The following SH3GL3 variants were observed in gnomAD, a reference collection of about 807,000 sequenced individuals.
SH3GL3 encodes the protein endophilin-A3.
Under a neutral mutation model 47.7 loss-of-function variants are expected in SH3GL3, and 33 were observed. The observed-to-expected ratio is 0.69, with a 90% CI of 0.52 to 0.92. The LOEUF (loss-of-function observed/expected upper bound fraction) is 0.92. Ranked by LOEUF, SH3GL3 falls within the 40% of genes least tolerant of loss-of-function variation. SH3GL3 has a pLI of 0.00. For synonymous variants in SH3GL3, 155 were observed against 148.8 expected, an observed-to-expected ratio of 1.04 and a Z score of -0.30; for missense variants, 363 against 417.8, an observed-to-expected ratio of 0.87 and a Z score of 1.14.
intron 1 of SH3GL3, among the ~76,000 whole-genome samples, chr15:83,494,541 A>C (rs897214038): frequency 6.9e-6 from 1 of 144,788 alleles, no homozygotes; most frequent in African/African-American, 2.5e-5. Flanking sequence ...TGTATGACTT[A>C]GTCCCCCTTT....
At chr15:83,598,298 A>G (rs17158778) in intron 8 of SH3GL3, among the ~76,000 whole-genome samples, 36,728 of 151,994 alleles carry the variant, frequency 0.24, 4,651 homozygotes, top group East Asian at 0.33. Context: ...TTCAGGATCC[A>G]CTTACACTGA....
intron 1 of SH3GL3, among the ~76,000 whole-genome samples, chr15:83,458,861 G>A (rs552232998): frequency 6.6e-5 from 10 of 152,338 alleles, no homozygotes; most frequent in African/African-American, 2.4e-4. Flanking sequence ...TAGAGGGATA[G>A]GACTAATAGG....
chr15:83,466,740 C>A (rs189954476), intron 1 of SH3GL3, among the ~76,000 whole-genome samples: 1 of 152,270 alleles, frequency 6.6e-6, no homozygotes, highest in African/African-American at 2.4e-5. Context: ...TAATTTTAGC[C>A]TTTCTGTTAG....
At chr15:83,516,905 ATT>A (rs534096576) in intron 1 of SH3GL3, among the ~76,000 whole-genome samples, 1 of 147,664 alleles carries the variant, frequency 6.8e-6, no homozygotes, top group East Asian at 2.0e-4. Context: ...TTCAGTCAAC[ATT>A]TTTTTTTTTA....
At chr15:83,489,406 T>C (rs2041762432) in intron 1 of SH3GL3, 1 of 152,224 alleles carries the variant, frequency 6.6e-6, no homozygotes, top group East Asian at 1.9e-4. Context: ...TCCACCCTCA[T>C]CCAGTTTGCT....
chr15:83,479,801 G>C (rs899961292), intron 1 of SH3GL3, among the ~76,000 whole-genome samples: 3 of 152,154 alleles, frequency 2.0e-5, no homozygotes, highest in Non-Finnish European at 4.4e-5. Flanking sequence ...GTGGAAGGCT[G>C]TCTCTGCCAC....
At chr15:83,463,376 C>T (rs1216792334) in intron 1 of SH3GL3, among the ~76,000 whole-genome samples, 1 of 151,740 alleles carries the variant, frequency 6.6e-6, no homozygotes, top group Non-Finnish European at 1.5e-5. Flanking sequence ...TTCCAAGCAG[C>T]TTACATGAGC....
At chr15:83,625,115 C>T in the SH3GL3 span, among the ~76,000 whole-genome samples, 342 of 152,200 alleles carry the variant, frequency 2.2e-3, 1 homozygote, top group African/African-American at 7.4e-3. Context: ...AAAAATTAGC[C>T]GGGCATGGTG....
intron 1 of SH3GL3, among the ~76,000 whole-genome samples, chr15:83,481,311 CAG>C (rs978099375): frequency 2.7e-5 from 4 of 150,872 alleles, no homozygotes; most frequent in Admixed American, 2.6e-4. Context: ...ATTCCTGTCA[CAG>C]GGAGCGGAAA....
intron 1 of SH3GL3, among the ~76,000 whole-genome samples, chr15:83,473,576 CTCGCTCTG>C (rs946024260): frequency 6.6e-6 from 1 of 150,870 alleles, no homozygotes; most frequent in African/African-American, 2.4e-5. Context: ...GAGACAGAGT[CTCGCTCTG>C]TCGCCCAGGT....
At chr15:83,552,804 TCTC>T (rs1389257107) in intron 1 of SH3GL3, among the ~76,000 whole-genome samples, 3 of 152,234 alleles carry the variant, frequency 2.0e-5, no homozygotes, top group Admixed American at 1.3e-4. Context: ...TTGTGTTAAA[TCTC>T]CTGCTGTAAT....
intron 1 of SH3GL3, among the ~76,000 whole-genome samples, chr15:83,480,997 T>C (rs201381644): frequency 6.6e-6 from 1 of 151,910 alleles, no homozygotes; most frequent in East Asian, 1.9e-4. Flanking sequence ...AATTCCTGGC[T>C]GTGCACGGTG....
Position 83,568,611 on chromosome 15 carries a change from A to G in SH3GL3, c.270A>G (p.Glu90=), listed in dbSNP as rs1227453918. Residue 90 remains glutamate, a synonymous_variant, in exon 4 of 9, where the codon GAA becomes GAG. Transcript: ENST00000427482. ...QVKTTGYPQT[E]GLLGDCMLKY... is the part of the protein sequence containing the mutation. ...AGACCACAGGATACCCGCAGACGGA[A>G]GGCTTGCTGGGGGACTGTATGCTGA... is the stretch of plus-strand genomic sequence containing the variant. 1 of 1,613,608 alleles carries G rather than the reference A, an allele frequency of 6.2e-7. No individual in the cohort carries two copies. The highest frequency in any genetic ancestry group is 8.5e-7 in the Non-Finnish European group (1 of 1,179,630).
At chr15:83,490,694 G>A in intron 1 of SH3GL3, 1 of 1,402,588 alleles carries the variant, frequency 7.1e-7, no homozygotes. Flanking sequence ...AGGGAAAACA[G>A]ACCAAGCTCT....
chr15:83,568,564 T>C lies in SH3GL3; in HGVS notation c.223T>C (p.Ser75Pro). 6.2e-7 allele frequency: 1 copy of C among 1,613,586 alleles called. No homozygotes were observed. Among genetic ancestry groups the C allele is most frequent in the African/African-American group, 1.3e-5 (1 of 75,022 alleles). ...TAAGCTAGGAATGCTGAACACTGTG[T>C]CGAAGATCCGAGGGCAGGTGAAGAC... ...RAKLGMLNTV[S>P]KIRGQVKTTG... The change falls in exon 4 of 9, where the codon TCG (serine) becomes CCG (proline). Residue 75 changes from serine to proline, a missense_variant. By Grantham distance (74) the Ser-to-Pro change is moderately conservative. Coordinates refer to ENST00000427482, the MANE Select transcript of SH3GL3 (RefSeq NM_003027.5).
chr15:83,587,803 ATATTT>A (rs2059993849), intron 7 of SH3GL3, among the ~76,000 whole-genome samples: 1 of 152,210 alleles, frequency 6.6e-6, no homozygotes, highest in South Asian at 2.1e-4. Context: ...GTTTATTAAA[ATATTT>A]TAAATTAGGT....
intron 1 of SH3GL3, among the ~76,000 whole-genome samples, chr15:83,530,416 G>T (rs186208939): frequency 6.6e-6 from 1 of 152,248 alleles, no homozygotes; most frequent in Non-Finnish European, 1.5e-5. Context: ...CAGCTGAACT[G>T]GCCGCCTTGC....
intron 8 of SH3GL3, among the ~76,000 whole-genome samples, chr15:83,599,475 A>G (rs961262354): frequency 1.3e-5 from 2 of 152,162 alleles, no homozygotes; most frequent in African/African-American, 4.8e-5. Context: ...GAGTTTCTTC[A>G]CTTAGAATAA....
intron 8 of SH3GL3, among the ~76,000 whole-genome samples, chr15:83,592,553 C>T (rs2060135740): frequency 6.6e-6 from 1 of 152,220 alleles, no homozygotes; most frequent in South Asian, 2.1e-4. Flanking sequence ...GCTTTCACTC[C>T]TCCCCAAGCT....
Sources: gnomAD v4.1 joint callset for allele counts (sites outside exome capture counted in the v4.1 genomes callset) on GRCh38, gnomAD v4.1.1 for gene constraint, MANE v1.5 for transcripts, NCBI Gene and HGNC (gene_info 2026-07-23, HGNC 2026-07-21) for gene names.